Variants in NCKAP5 observed in about 807,000 individuals in gnomAD.
The protein encoded by NCKAP5 is NCK associated protein 5.
NCKAP5 carries 92 observed loss-of-function variants against 167.0 expected under a neutral mutation model. The ratio of observed to expected loss-of-function variants is 0.55; its 90% CI spans 0.47 to 0.66. The LOEUF (loss-of-function observed/expected upper bound fraction) is 0.66. Among genes scored for constraint, NCKAP5 ranks in the 30% least tolerant of loss-of-function variants. The probability of loss-of-function intolerance (pLI) is 0.00; values close to 1 mark genes in which losing one functional copy is unlikely to be tolerated. For missense variants in NCKAP5, 2,378 were observed against 2,315.0 expected (o/e 1.03, Z -0.56); for synonymous variants, 891 against 877.4 (o/e 1.02, Z -0.27).
At chr2:133,016,043 CA>C (rs36063397) in intron 6 of NCKAP5, among the ~76,000 whole-genome samples, 73,257 of 150,854 alleles carry the variant, frequency 0.49, 18,031 homozygotes, top group East Asian at 0.62. Context: ...AGGACATGAA[CA>C]AAAAAAATTA....
rs1038149728 is a variant in NCKAP5 at position 133,170,889 on chromosome 2, G to A, written c.208-40778C>T. Among the ~76,000 whole-genome samples the A allele has an allele frequency of 6.6e-5, 10 of 151,892 alleles. 1 individual carries two copies. The highest frequency in any genetic ancestry group is 2.0e-4 in the Admixed American group (3 of 15,248). On this transcript the variant is annotated intron_variant, in intron 5 of 19. Transcript: ENST00000409261. ...CCCAAGCATGCCCCAGCAATAACTC[G>A]TCTCCAGTCCTCTTTAAAACACAAC...
intron 8 of NCKAP5, among the ~76,000 whole-genome samples, chr2:132,889,077 C>A (rs1574527666): frequency 6.6e-6 from 1 of 152,196 alleles, no homozygotes; most frequent in Admixed American, 6.5e-5. Context: ...TATAAAGCCC[C>A]AGCTATGCAG....
intron 3 of NCKAP5, among the ~76,000 whole-genome samples, chr2:133,425,479 G>A (rs777306587): frequency 6.6e-6 from 1 of 152,068 alleles, no homozygotes. Flanking sequence ...TATAGGGAGA[G>A]CATTTCAGGC....
Position 133,056,105 on chromosome 2 carries a change from C to T in NCKAP5, c.342-61866G>A, listed in dbSNP as rs532917123. 2.6e-5 allele frequency among the ~76,000 whole-genome samples: 4 copies of T among 152,198 alleles called. No homozygotes were observed. In the South Asian group the frequency reaches 8.3e-4, roughly 32 times the overall value. On this transcript the variant is annotated intron_variant, in intron 6 of 19. Coordinates refer to ENST00000409261, the MANE Select transcript of NCKAP5 (RefSeq NM_207363.3). ...CAGGAAAGTTATATGATTGAATATTCCGTCTGATGTGGATTATTTTGTCTG... is the reference window on the plus strand; with the variant it reads ...CAGGAAAGTTATATGATTGAATATTTCGTCTGATGTGGATTATTTTGTCTG...
chr2:132,772,584 C>G (rs969316908), intron 16 of NCKAP5, among the ~76,000 whole-genome samples: 1 of 152,150 alleles, frequency 6.6e-6, no homozygotes, highest in Non-Finnish European at 1.5e-5. Flanking sequence ...GGCTGTTAAA[C>G]AATATTTAAC....
chr2:133,673,509 G>A, the NCKAP5 span, among the ~76,000 whole-genome samples: 79 of 152,184 alleles, frequency 5.2e-4, no homozygotes, highest in African/African-American at 1.9e-3. Context: ...ATACTACTGT[G>A]TGTGTGAGGA....
intron 8 of NCKAP5, among the ~76,000 whole-genome samples, chr2:132,893,626 G>A (rs1179993667): frequency 5.3e-5 from 8 of 152,032 alleles, no homozygotes; most frequent in Non-Finnish European, 8.8e-5. Flanking sequence ...TATTGTTAAG[G>A]ATACATACAT....
chr2:132,863,512 C>G (rs890936527), intron 10 of NCKAP5, among the ~76,000 whole-genome samples: 3 of 151,388 alleles, frequency 2.0e-5, no homozygotes, highest in African/African-American at 7.3e-5. Context: ...TATAGAGAGT[C>G]TTTACACAAG....
chr2:132,716,580 G>A (rs376880279), intron 19 of NCKAP5, among the ~76,000 whole-genome samples: 1 of 151,908 alleles, frequency 6.6e-6, no homozygotes, highest in African/African-American at 2.4e-5. Context: ...GAACTTGAGG[G>A]GGGTAACACT....
the NCKAP5 span, among the ~76,000 whole-genome samples, chr2:133,608,471 A>G: frequency 6.6e-6 from 1 of 152,188 alleles, no homozygotes; most frequent in African/African-American, 2.4e-5. Context: ...AGGCATAATG[A>G]GCACAGTCCC....
intron 3 of NCKAP5, among the ~76,000 whole-genome samples, chr2:133,472,357 A>C (rs1045626170): frequency 1.6e-4 from 24 of 152,256 alleles, no homozygotes; most frequent in African/African-American, 5.5e-4. Flanking sequence ...TATCAAGAGC[A>C]TCTTATGCTT....
chr2:132,895,142 TA>T (rs947620919), intron 8 of NCKAP5, among the ~76,000 whole-genome samples: 1 of 151,854 alleles, frequency 6.6e-6, no homozygotes, highest in Non-Finnish European at 1.5e-5. Context: ...CCTTCCTGGC[TA>T]ACACGGTGAA....
intron 6 of NCKAP5, among the ~76,000 whole-genome samples, chr2:133,114,530 A>C (rs2082012641): frequency 6.6e-6 from 1 of 152,186 alleles, no homozygotes; most frequent in South Asian, 2.1e-4. Flanking sequence ...AACTATATCA[A>C]ATATTCAGGG....
chr2:133,323,898 C>G (rs185142140), intron 3 of NCKAP5, among the ~76,000 whole-genome samples: 1 of 152,140 alleles, frequency 6.6e-6, no homozygotes, highest in Admixed American at 6.5e-5. Context: ...GTATAAGAAC[C>G]ATTTTTCTCA....
At chr2:132,854,660 C>G (rs1689324387) in intron 11 of NCKAP5, among the ~76,000 whole-genome samples, 1 of 152,222 alleles carries the variant, frequency 6.6e-6, no homozygotes, top group African/African-American at 2.4e-5. Flanking sequence ...CTCTGCTCAG[C>G]TGCTATAGCT....
intron 5 of NCKAP5, among the ~76,000 whole-genome samples, chr2:133,152,930 T>C (rs2083435044): frequency 1.3e-5 from 2 of 152,118 alleles, no homozygotes; most frequent in Admixed American, 6.5e-5. Context: ...ATAGCCTAGG[T>C]GTATAGTGGA....
intron 5 of NCKAP5, among the ~76,000 whole-genome samples, chr2:133,175,702 T>G (rs1390662387): frequency 6.6e-6 from 1 of 152,222 alleles, no homozygotes; most frequent in Non-Finnish European, 1.5e-5. Context: ...TCCTATCTCT[T>G]CTGTTCCATG....
At chr2:132,877,996 GA>G (rs1417975726) in intron 9 of NCKAP5, among the ~76,000 whole-genome samples, 3 of 152,160 alleles carry the variant, frequency 2.0e-5, no homozygotes, top group Admixed American at 1.3e-4. Context: ...TAAGGTGCTA[GA>G]CAGATGACTA....
At chr2:133,066,998 C>G (rs1220547144) in intron 6 of NCKAP5, among the ~76,000 whole-genome samples, 1 of 151,468 alleles carries the variant, frequency 6.6e-6, no homozygotes, top group East Asian at 1.9e-4. Context: ...CAAATCTGAA[C>G]AGGATGGAGG....
Sources: gnomAD v4.1 joint callset for allele counts (sites outside exome capture counted in the v4.1 genomes callset) on GRCh38, gnomAD v4.1.1 for gene constraint, MANE v1.5 for transcripts, NCBI Gene and HGNC (gene_info 2026-07-23, HGNC 2026-07-21) for gene names.